The following RHBDL2 variants were observed in gnomAD, a reference collection of about 807,000 sequenced individuals.
RHBDL2 encodes rhomboid like 2.
A neutral mutation model predicts 31.7 loss-of-function variants in RHBDL2; 26 were observed. The ratio of observed to expected loss-of-function variants is 0.82; its 90% CI spans 0.60 to 1.14. The LOEUF (loss-of-function observed/expected upper bound fraction) is 1.14. Ranked by LOEUF, RHBDL2 falls within the 50% of genes most tolerant of loss-of-function variation. The pLI is 0.00. For synonymous variants in RHBDL2, 123 were observed against 127.2 expected, an observed-to-expected ratio of 0.97 and a Z score of 0.22; for missense variants, 336 against 364.4, an observed-to-expected ratio of 0.92 and a Z score of 0.63.
At position 38,919,081 on chromosome 1, in the gene RHBDL2, C is replaced by A. The variant is rs1643275926; in HGVS notation, c.132G>T (p.Lys44Asn). Residue 44 changes from lysine (K) to asparagine (N), a missense_variant, in exon 2 of 8, where the codon AAG becomes AAT. Transcript: ENST00000372990. Reference sequence around the variant, plus strand: ...TCCATTTTGAGACAATCCTGTGGACCTTTTTACTCTTGGCCCGATCTTTAC... The same window carrying A: ...TCCATTTTGAGACAATCCTGTGGACATTTTTACTCTTGGCCCGATCTTTAC... ...GGGKDRAKSKKVHRIVSKWML... is the reference protein window; with the variant it reads ...GGGKDRAKSKNVHRIVSKWML... 6.2e-7 allele frequency: 1 copy of A among 1,613,982 alleles called. No individual in the cohort carries two copies. Among genetic ancestry groups the A allele is most frequent in the African/African-American group, 1.3e-5 (1 of 74,884 alleles).
chr1:38,886,562 T>G lies in RHBDL2; in HGVS notation c.854A>C (p.Tyr285Ser), dbSNP rs552643259. 6.2e-6 allele frequency: 10 copies of G among 1,604,824 alleles called. No homozygotes were observed. In the African/African-American group the frequency reaches 1.3e-4, roughly 21 times the overall value. Reference sequence around the variant, plus strand: ...CACAGCAAATAAGACACAAGCTAAATATGCAGCAATTGCTATCCAAAACCT... The same window carrying G: ...CACAGCAAATAAGACACAAGCTAAAGATGCAGCAATTGCTATCCAAAACCT... ...DPRFWIAIAA[Y>S]LACVLFAVFF... The change falls in exon 8 of 8, where the codon TAT (tyrosine) becomes TCT (serine). Residue 285 changes from tyrosine (Y) to serine (S), a missense_variant. Physicochemically the swap from Tyr to Ser is moderately radical, Grantham distance 144. Transcript: ENST00000372990.
intron 3 of RHBDL2, among the ~76,000 whole-genome samples, chr1:38,914,303 G>A (rs1643199532): frequency 1.3e-5 from 2 of 151,838 alleles, no homozygotes; most frequent in Admixed American, 6.6e-5. Flanking sequence ...ATGCAGTGGC[G>A]CGATCTCGGC....
chr1:38,932,632 G>T (rs983239999), intron 1 of RHBDL2, among the ~76,000 whole-genome samples: 1 of 152,062 alleles, frequency 6.6e-6, no homozygotes, highest in African/African-American at 2.4e-5. Context: ...ACTAATTTTC[G>T]CATTTTTTGT....
intron 6 of RHBDL2, among the ~76,000 whole-genome samples, chr1:38,889,993 T>C (rs7526192): frequency 0.15 from 23,226 of 152,146 alleles, 2,249 homozygotes; most frequent in Non-Finnish European, 0.22. Flanking sequence ...TAGTTGTAAA[T>C]GACTATTACA....
intron 3 of RHBDL2, 147 bp from the exon 4 acceptor site, chr1:38,911,581 CT>C (rs1199965375): frequency 6.5e-6 from 4 of 619,196 alleles, no homozygotes; most frequent in Non-Finnish European, 8.6e-6. Context: ...GCAGACAACT[CT>C]TTTTTTCTTT....
intron 1 of RHBDL2, among the ~76,000 whole-genome samples, chr1:38,940,942 A>G (rs997167422): frequency 5.3e-5 from 8 of 152,150 alleles, no homozygotes; most frequent in Non-Finnish European, 8.8e-5. Context: ...GGAGGTAAAC[A>G]GGAGATATGG....
intron 1 of RHBDL2, among the ~76,000 whole-genome samples, chr1:38,935,938 G>C (rs1364069973): frequency 6.6e-6 from 1 of 151,958 alleles, no homozygotes; most frequent in South Asian, 2.1e-4. Flanking sequence ...TTTGAGACAG[G>C]GTCTTGCTTT....
rs766275731 is a variant in RHBDL2, at chr1:38,919,226, C to T, written c.-14G>A. 6.2e-7 allele frequency: 1 copy of T among 1,614,094 alleles called. No individual in the cohort carries two copies. Among genetic ancestry groups the T allele is most frequent in the Non-Finnish European group, 8.5e-7 (1 of 1,180,026 alleles). On this transcript the variant is annotated 5_prime_UTR_variant, in exon 2 of 8. Transcript: ENST00000372990. Reference sequence around the variant, plus strand: ...AACAGCAGCCATTGTCCTGGGTCCTCCCTCCTCCCCAGAAGGACATGAATC... The same window carrying T: ...AACAGCAGCCATTGTCCTGGGTCCTTCCTCCTCCCCAGAAGGACATGAATC...
intron 3 of RHBDL2, among the ~76,000 whole-genome samples, chr1:38,912,719 C>G (rs1643166637): frequency 6.6e-6 from 1 of 151,520 alleles, no homozygotes; most frequent in Non-Finnish European, 1.5e-5. Context: ...CTGCTCCTGG[C>G]CACAGATTCT....
intron 1 of RHBDL2, among the ~76,000 whole-genome samples, chr1:38,934,819 G>A (rs543471962): frequency 2.0e-5 from 3 of 152,078 alleles, no homozygotes; most frequent in African/African-American, 7.2e-5. Flanking sequence ...TTAGCTGGGT[G>A]TGGTGGCAGG....
intron 4 of RHBDL2, among the ~76,000 whole-genome samples, chr1:38,906,459 G>A (rs909301840): frequency 6.6e-6 from 1 of 152,086 alleles, no homozygotes; most frequent in Admixed American, 6.6e-5. Context: ...CAGATCATGA[G>A]GTCAGGAGAT....
chr1:38,917,973 C>G (rs1414981505), intron 2 of RHBDL2, among the ~76,000 whole-genome samples: 2 of 152,134 alleles, frequency 1.3e-5, no homozygotes, highest in African/African-American at 4.8e-5. Context: ...CAGTTGAAGG[C>G]CTTGCTAGAG....
At chr1:38,916,869 CA>C (rs71057164) in intron 2 of RHBDL2, among the ~76,000 whole-genome samples, 25 of 113,528 alleles carry the variant, frequency 2.2e-4, no homozygotes, top group African/African-American at 3.1e-4. Context: ...GACTCCATCT[CA>C]AAAAAAAAAA....
At chr1:38,896,344 GT>G (rs1324440095) in intron 4 of RHBDL2, among the ~76,000 whole-genome samples, 1 of 152,186 alleles carries the variant, frequency 6.6e-6, no homozygotes, top group African/African-American at 2.4e-5. Context: ...ACTTGAGGAA[GT>G]TAGTTGACTT....
chr1:38,894,707 C>CTTTTTTTTTTTT (rs71057159), intron 5 of RHBDL2, among the ~76,000 whole-genome samples: 107 of 114,182 alleles, frequency 9.4e-4, no homozygotes, highest in Middle Eastern at 4.7e-3. Context: ...CTTTTTTTTT[C>CTTTTTTTTTTTT]TTTTTTTTTT....
chr1:38,928,407 G>C (rs922437720), intron 1 of RHBDL2, among the ~76,000 whole-genome samples: 2 of 151,112 alleles, frequency 1.3e-5, no homozygotes, highest in African/African-American at 4.9e-5. Flanking sequence ...CTCCCAAAGT[G>C]CTGGGATTAC....
At chr1:38,932,040 T>C (rs1643444765) in intron 1 of RHBDL2, among the ~76,000 whole-genome samples, 1 of 152,112 alleles carries the variant, frequency 6.6e-6, no homozygotes, top group Admixed American at 6.5e-5. Context: ...CCTTAACAGC[T>C]ATGTGGTCCC....
At chr1:38,908,911 T>C (rs1051614941) in intron 4 of RHBDL2, among the ~76,000 whole-genome samples, 2 of 152,024 alleles carry the variant, frequency 1.3e-5, no homozygotes, top group Non-Finnish European at 1.5e-5. Flanking sequence ...GGAGAATGAG[T>C]GCAAGGTTTT....
intron 3 of RHBDL2, among the ~76,000 whole-genome samples, chr1:38,911,910 G>A (rs967537631): frequency 8.6e-5 from 13 of 151,896 alleles, no homozygotes; most frequent in Admixed American, 7.2e-4. Context: ...GGGTTCAAGC[G>A]ATTCTCCCGC....
Sources: gnomAD v4.1 joint callset for allele counts (sites outside exome capture counted in the v4.1 genomes callset) on GRCh38, gnomAD v4.1.1 for gene constraint, MANE v1.5 for transcripts, NCBI Gene and HGNC (gene_info 2026-07-23, HGNC 2026-07-21) for gene names.